RDH13: variants seen among roughly 807,000 people sequenced by gnomAD.
RDH13 encodes the protein retinol dehydrogenase 13 (all-trans and 9-cis).
In RDH13, 35 loss-of-function variants were observed where a neutral mutation model predicts 28.3. That is an observed-to-expected ratio of 1.24 (90% CI 0.95 to 1.64). The LOEUF (loss-of-function observed/expected upper bound fraction) is 1.64. Ranked by LOEUF, RDH13 falls within the 40% of genes most tolerant of loss-of-function variation. The probability of loss-of-function intolerance (pLI) is 0.00; values close to 1 mark genes in which losing one functional copy is unlikely to be tolerated. For synonymous variants in RDH13, 229 were observed against 198.5 expected, an observed-to-expected ratio of 1.15 and a Z score of -1.29; for missense variants, 514 against 446.3, an observed-to-expected ratio of 1.15 and a Z score of -1.37.
rs751097786 is a variant in RDH13, at chr19:55,048,581, C to CCT, written c.446-42_446-41dup. The CCT allele has an allele frequency of 6.2e-6, 10 of 1,611,800 alleles. 1 individual carries two copies. In the South Asian group the frequency reaches 8.8e-5, roughly 14 times the overall value. On this transcript the variant is annotated intron_variant, in intron 4 of 6. Transcript: ENST00000415061. ...ATGAAAAGGTCACTTTTGACTCACA[C>CCT]CTAAAATCCCAGCACTTTGGGAGGA...
At chr19:55,052,414 C>T (rs2075475807) in intron 3 of RDH13, among the ~76,000 whole-genome samples, 2 of 150,326 alleles carry the variant, frequency 1.3e-5, no homozygotes, top group South Asian at 2.2e-4. Flanking sequence ...CGTGGTGGCG[C>T]ATGCCTGTAA....
chr19:55,049,841 G>T (rs1028894873), intron 3 of RDH13, among the ~76,000 whole-genome samples: 1 of 151,208 alleles, frequency 6.6e-6, no homozygotes, highest in African/African-American at 2.4e-5. Context: ...CCAGATCAAG[G>T]TGTGGGCAGG....
chr19:55,069,074 A>AC (rs1434588973), intron 1 of RDH13, among the ~76,000 whole-genome samples: 1 of 123,686 alleles, frequency 8.1e-6, no homozygotes, highest in Non-Finnish European at 1.7e-5. Flanking sequence ...CCCCGTCACC[A>AC]CCCCCCGCCC....
At chr19:55,045,946 C>CAAAAAAA (rs11356856) in intron 6 of RDH13, among the ~76,000 whole-genome samples, 4 of 89,372 alleles carry the variant, frequency 4.5e-5, no homozygotes, top group African/African-American at 1.8e-4. Flanking sequence ...GACTTCGTCT[C>CAAAAAAA]AAAAAAAAAA....
At chr19:55,067,641 G>C (rs780814740), upstream of RDH13, 11 of 152,262 alleles carry the variant, frequency 7.2e-5, no homozygotes, top group African/African-American at 1.7e-4. Context: ...AGAGTGTTGA[G>C]CCAAGGAGGG....
intron 3 of RDH13, among the ~76,000 whole-genome samples, chr19:55,054,303 A>T (rs1474426340): frequency 6.6e-6 from 1 of 152,214 alleles, no homozygotes; most frequent in African/African-American, 2.4e-5. Flanking sequence ...AGACTAGAAA[A>T]GAAACAAAGC....
intron 3 of RDH13, 102 bp downstream of exon 3, chr19:55,056,550 CA>C: frequency 7.0e-7 from 1 of 1,438,184 alleles, no homozygotes; most frequent in Non-Finnish European, 9.3e-7. Context: ...CATAGTTTGC[CA>C]AAACTCTGCT....
intron 1 of RDH13, among the ~76,000 whole-genome samples, chr19:55,061,686 G>A (rs1029337901): frequency 1.3e-5 from 2 of 151,938 alleles, no homozygotes; most frequent in African/African-American, 4.8e-5. Flanking sequence ...CAGCTACTCG[G>A]GAGGCTGAAG....
chr19:55,061,148 GAC>G (rs1316323405), intron 1 of RDH13, among the ~76,000 whole-genome samples: 1 of 151,980 alleles, frequency 6.6e-6, no homozygotes, highest in Non-Finnish European at 1.5e-5. Context: ...TTATTTTTGA[GAC>G]AGAGTCTCGC....
chr19:55,062,985 G>T lies in RDH13; in HGVS notation c.48C>A (p.Gly16=), dbSNP rs780670319. Residue 16 remains glycine, a synonymous_variant, in exon 1 of 7, where the codon GGC becomes GGA. Coordinates refer to ENST00000415061, the MANE Select transcript of RDH13 (RefSeq NM_001145971.2). ...LPLSALGTVA[G]AAVLLKDYVT... ...GTACTCACTTGAGCAGCACGGCGGCGCCTGCTACCGTGCCCAGCGCCGACA... is the reference window on the plus strand; with the variant it reads ...GTACTCACTTGAGCAGCACGGCGGCTCCTGCTACCGTGCCCAGCGCCGACA... The T allele has an allele frequency of 2.0e-6, 3 of 1,475,468 alleles. No homozygotes were observed. The highest frequency in any genetic ancestry group is 2.7e-6 in the Non-Finnish European group (3 of 1,115,324). The allele number at this position is 1,475,468 out of a possible 1,614,324, so 91.4% of individuals were successfully genotyped here. A position where few individuals can be genotyped will look rare whatever the true frequency, so the allele number is the denominator to read the frequency against.
intron 1 of RDH13, among the ~76,000 whole-genome samples, chr19:55,060,889 A>G (rs1222325062): frequency 3.3e-5 from 5 of 152,158 alleles, no homozygotes; most frequent in African/African-American, 1.2e-4. Flanking sequence ...TGTACGCATT[A>G]CCACAGACTT....
chr19:55,045,316 T>A lies in RDH13; in HGVS notation c.761-7A>T. 1 of 1,607,022 alleles carries A rather than the reference T, an allele frequency of 6.2e-7. No homozygotes were observed. Among genetic ancestry groups the A allele is most frequent in the Admixed American group, 1.7e-5 (1 of 59,692 alleles). ...AGCAGCCAGAAGATGGGCCCTGCAA[T>A]CAGCCCACAGGGCATTTAGTCCACA... On this transcript the variant is annotated splice_region_variant and splice_polypyrimidine_tract_variant and intron_variant, in intron 6 of 6. Coordinates refer to ENST00000415061, the MANE Select transcript of RDH13 (RefSeq NM_001145971.2).
At chr19:55,052,837 G>A (rs1363038317) in intron 3 of RDH13, among the ~76,000 whole-genome samples, 1 of 151,684 alleles carries the variant, frequency 6.6e-6, no homozygotes, top group Non-Finnish European at 1.5e-5. Context: ...ATTTTTTTGT[G>A]TTTCTTAGTA....
At chr19:55,068,780 G>A (rs1235353284) in intron 1 of RDH13, 2 of 144,964 alleles carry the variant, frequency 1.4e-5, no homozygotes, top group African/African-American at 5.2e-5. Context: ...AGCTTGCAGT[G>A]AGCCGAGATC....
chr19:55,045,165 T>C lies in RDH13; in HGVS notation c.905A>G (p.Asp302Gly). The C allele has an allele frequency of 3.7e-6, 6 of 1,613,680 alleles. No individual in the cohort carries two copies. The highest frequency in any genetic ancestry group is 5.1e-6 in the Non-Finnish European group (6 of 1,180,008). The change falls in exon 7 of 7, where the codon GAT becomes GGT. Residue 302 changes from aspartate (D) to glycine (G), a missense_variant. Physicochemically the swap from Asp to Gly is moderately conservative, Grantham distance 94. Transcript: ENST00000415061. ...KQKAPAPEAE[D>G]EEVARRLWAE... ...CCAAAGCCTCCGGGCCACCTCCTCA[T>C]CCTCAGCCTCGGGGGCCGGGGCCTT...
chr19:55,051,633 T>TTGGTCAGGCTGGTCTTGAATTCTTCACC lies in RDH13; in HGVS notation c.341-2898_341-2871dup, dbSNP rs1342142081. The stretch of plus-strand genomic sequence containing the variant: ...TTAGTAGAGACGGGGTTTCACCATC[T>TTGGTCAGGCTGGTCTTGAATTCTTCACC]TGGTCAGGCTGGTCTTGAATTCTTC... On this transcript the variant is annotated intron_variant, in intron 3 of 6. Transcript: ENST00000415061. 5.0e-4 allele frequency among the ~76,000 whole-genome samples: 76 copies of TTGGTCAGGCTGGTCTTGAATTCTTCACC among 152,104 alleles called. 1 individual carries two copies. Among genetic ancestry groups the TTGGTCAGGCTGGTCTTGAATTCTTCACC allele is most frequent in the Non-Finnish European group, 8.7e-4 (59 of 67,974 alleles).
In RDH13 at chr19:55,048,782, G is replaced by A. The variant is rs746989140; in HGVS notation, c.341-19C>T. On this transcript the variant is annotated intron_variant, in intron 3 of 6. Transcript: ENST00000415061. ...TCCTCCTCTGGAAGAGAGGGGTGGAGGAGGAGACATCCCGGTGAGGACAGA... is the reference window on the plus strand; with the variant it reads ...TCCTCCTCTGGAAGAGAGGGGTGGAAGAGGAGACATCCCGGTGAGGACAGA... 5 of 1,602,334 alleles carry A rather than the reference G, an allele frequency of 3.1e-6. No individual in the cohort carries two copies. The highest frequency in any genetic ancestry group is 4.5e-5 in the East Asian group (2 of 44,758).
At chr19:55,057,966 G>T (rs569448526) in intron 2 of RDH13, among the ~76,000 whole-genome samples, 19 of 151,938 alleles carry the variant, frequency 1.3e-4, no homozygotes, top group African/African-American at 4.6e-4. Context: ...GTAGAGATGG[G>T]GGTGTTGCTA....
In RDH13 at chr19:55,048,679, T is replaced by C; in HGVS notation, c.425A>G (p.Gln142Arg). ...CTCACCCAGGTGGTTAACGCCAAAC[T>C]GCATCTCGAAGCCGTCCTCGGTGGT... The part of the protein sequence containing the change: ...HWTTEDGFEM[Q>R]FGVNHLGHFL... Residue 142 changes from glutamine to arginine, a missense_variant, in exon 4 of 7, where the codon CAG (glutamine) becomes CGG (arginine). Transcript: ENST00000415061. 5 of 1,613,822 alleles carry C rather than the reference T, an allele frequency of 3.1e-6. No homozygotes were observed. Among genetic ancestry groups the C allele is most frequent in the Non-Finnish European group, 4.2e-6 (5 of 1,179,960 alleles).
Sources: gnomAD v4.1 joint callset for allele counts (sites outside exome capture counted in the v4.1 genomes callset) on GRCh38, gnomAD v4.1.1 for gene constraint, MANE v1.5 for transcripts, NCBI Gene and HGNC (gene_info 2026-07-23, HGNC 2026-07-21) for gene names.